The following ANKRD31 variants were observed in gnomAD, a reference collection of about 807,000 sequenced individuals.
The protein encoded by ANKRD31 is ankyrin repeat domain-containing protein 31.
Under a neutral mutation model 186.0 loss-of-function variants are expected in ANKRD31, and 147 were observed. That is an observed-to-expected ratio of 0.79 (90% CI 0.69 to 0.91). ANKRD31 has a LOEUF of 0.91. Among genes scored for constraint, ANKRD31 ranks in the 40% least tolerant of loss-of-function variants. ANKRD31 has a pLI of 0.00. For missense variants in ANKRD31, 1,986 were observed against 2,148.8 expected (o/e 0.92, Z 1.50); for synonymous variants, 673 against 736.4 (o/e 0.91, Z 1.39).
At chr5:75,102,156 G>A in intron 22 of ANKRD31, among the ~76,000 whole-genome samples, 1 of 152,188 alleles carries the variant, frequency 6.6e-6, no homozygotes, top group Non-Finnish European at 1.5e-5. Context: ...TAACAGTCAG[G>A]ACCCTCAGCT....
intron 2 of ANKRD31, among the ~76,000 whole-genome samples, chr5:75,228,310 G>A (rs1301159212): frequency 6.6e-6 from 1 of 152,140 alleles, no homozygotes; most frequent in East Asian, 1.9e-4. Context: ...TGCATGCCTT[G>A]TTTGACTGGA....
intron 2 of ANKRD31, among the ~76,000 whole-genome samples, chr5:75,227,265 A>G (rs1263463897): frequency 6.6e-6 from 1 of 152,192 alleles, no homozygotes; most frequent in Non-Finnish European, 1.5e-5. Flanking sequence ...AAGGATGGTT[A>G]CCAGAGACTG....
At chr5:75,190,140 C>T (rs1393530508) in intron 9 of ANKRD31, among the ~76,000 whole-genome samples, 2 of 152,030 alleles carry the variant, frequency 1.3e-5, no homozygotes, top group African/African-American at 4.8e-5. Flanking sequence ...CCACCTCAGC[C>T]TCCCGAGTAG....
intron 10 of ANKRD31, among the ~76,000 whole-genome samples, chr5:75,187,110 TTGTGTGTGTG>T (rs57013241): frequency 0.12 from 13,646 of 116,142 alleles, 667 homozygotes; most frequent in South Asian, 0.13. Context: ...TGATTCTGTT[TTGTGTGTGTG>T]TGTGTGTGTG....
intron 8 of ANKRD31, 34 bp downstream of exon 8, chr5:75,193,277 T>C (rs2150245613): frequency 2.6e-6 from 4 of 1,525,298 alleles, no homozygotes; most frequent in Non-Finnish European, 3.5e-6. Context: ...GTCTATAGCA[T>C]ACCTGGAGAT....
intron 11 of ANKRD31, among the ~76,000 whole-genome samples, chr5:75,155,320 G>A (rs550604406): frequency 6.6e-6 from 1 of 151,852 alleles, no homozygotes; most frequent in African/African-American, 2.4e-5. Context: ...TACACAAATG[G>A]TCATATATTA....
intron 7 of ANKRD31, among the ~76,000 whole-genome samples, chr5:75,195,076 C>A (rs1755374727): frequency 6.6e-6 from 1 of 152,152 alleles, no homozygotes; most frequent in Non-Finnish European, 1.5e-5. Context: ...CATAATACTA[C>A]AAGAATTCTA....
intron 25 of ANKRD31, among the ~76,000 whole-genome samples, chr5:75,071,720 A>ACT (rs767668972): frequency 4.0e-5 from 6 of 151,224 alleles, no homozygotes; most frequent in Non-Finnish European, 8.8e-5. Flanking sequence ...CTGGTCTTGA[A>ACT]CTCCTGACCT....
At position 75,236,737 on chromosome 5, in the gene ANKRD31, C is replaced by T. The variant is rs982226934; in HGVS notation, c.-51G>A. 35 of 1,423,720 alleles carry T rather than the reference C, an allele frequency of 2.5e-5. No homozygotes were observed. The African/African-American group carries it at 5.0e-4, about 20-fold the overall frequency. 88.2% of individuals were successfully genotyped at this position (1,423,720 alleles called of 1,614,324 possible). A position where few individuals can be genotyped will look rare whatever the true frequency, so the allele number is the denominator to read the frequency against. ...TTACCCTCCTCTAACTCCCTCTTGC[C>T]CGCAAACAAAAAAACGCTTTGAGGG... is the stretch of plus-strand genomic sequence containing the variant. On this transcript the variant is annotated 5_prime_UTR_variant, in exon 1 of 26. Transcript: ENST00000506364.
chr5:75,086,684 A>T (rs1745507227), intron 23 of ANKRD31, among the ~76,000 whole-genome samples: 1 of 152,158 alleles, frequency 6.6e-6, no homozygotes, highest in African/African-American at 2.4e-5. Flanking sequence ...ATGTTCGGTG[A>T]GGATATCTGT....
At chr5:75,189,953 T>G (rs1419407262) in intron 9 of ANKRD31, among the ~76,000 whole-genome samples, 1 of 152,086 alleles carries the variant, frequency 6.6e-6, no homozygotes, top group Non-Finnish European at 1.5e-5. Context: ...CACCACTTAG[T>G]CATGATGTAT....
At chr5:75,107,371 TG>T in intron 21 of ANKRD31, 149 bp downstream of exon 21, 1 of 530,380 alleles carries the variant, frequency 1.9e-6, no homozygotes. Context: ...TAATTTTCCA[TG>T]GTAGTAACGG....
intron 3 of ANKRD31, among the ~76,000 whole-genome samples, chr5:75,217,617 T>C (rs1024301293): frequency 6.6e-5 from 10 of 152,122 alleles, no homozygotes; most frequent in Admixed American, 2.6e-4. Context: ...GGTGGATTTT[T>C]CTCCAACCTT....
At chr5:75,084,767 T>A (rs1745353930) in intron 23 of ANKRD31, among the ~76,000 whole-genome samples, 2 of 152,220 alleles carry the variant, frequency 1.3e-5, no homozygotes, top group Admixed American at 6.5e-5. Flanking sequence ...TTTATAACTT[T>A]AAAAATTTAA....
intron 2 of ANKRD31, among the ~76,000 whole-genome samples, chr5:75,228,840 A>T (rs937436696): frequency 6.6e-6 from 1 of 152,222 alleles, no homozygotes; most frequent in Non-Finnish European, 1.5e-5. Flanking sequence ...TATATATCAT[A>T]AGAAGGCATC....
chr5:75,072,115 T>G (rs1157228656), intron 25 of ANKRD31, among the ~76,000 whole-genome samples: 4 of 152,368 alleles, frequency 2.6e-5, no homozygotes, highest in Non-Finnish European at 5.9e-5. Flanking sequence ...TAACTATTAT[T>G]TTATAGCTTC....
chr5:75,154,384 G>C (rs191037286), intron 11 of ANKRD31, 39 bp from the exon 12 acceptor site: 1 of 1,504,896 alleles, frequency 6.6e-7, no homozygotes. Context: ...CCCAGATTGA[G>C]GGTGTATTAC....
intron 22 of ANKRD31, 53 bp downstream of exon 22, chr5:75,104,175 T>C (rs1364939885): frequency 2.9e-6 from 4 of 1,361,602 alleles, no homozygotes; most frequent in Non-Finnish European, 3.9e-6. Context: ...CAGCAACATT[T>C]ACTCACTTAT....
chr5:75,196,066 A>C lies in ANKRD31; in HGVS notation c.582T>G (p.Phe194Leu). The change falls in exon 7 of 26, where the codon TTT (phenylalanine) becomes TTG (leucine). Residue 194 changes from phenylalanine (F) to leucine (L), a missense_variant. By Grantham distance (22) the Phe-to-Leu change is conservative (BLOSUM62 0). Transcript: ENST00000506364. The stretch of plus-strand genomic sequence containing the variant: ...TTGTGACTTCCTTTCTAGGCTCAAA[A>C]AATGTATTTGGTGCTGCTAAAATCT... Reference protein sequence around the residue: ...PEKILAAPNTFFEPRKEVTMT... With the variant: ...PEKILAAPNTLFEPRKEVTMT... 26 of 1,536,758 alleles carry C rather than the reference A, an allele frequency of 1.7e-5. No individual in the cohort carries two copies. Among genetic ancestry groups the C allele is most frequent in the Non-Finnish European group, 2.0e-5 (23 of 1,146,712 alleles).
Sources: gnomAD v4.1 joint callset for allele counts (sites outside exome capture counted in the v4.1 genomes callset) on GRCh38, gnomAD v4.1.1 for gene constraint, MANE v1.5 for transcripts, NCBI Gene and HGNC (gene_info 2026-07-23, HGNC 2026-07-21) for gene names.